The following ZNRF3 variants were observed in gnomAD, a reference collection of about 807,000 sequenced individuals.
The protein encoded by ZNRF3 is zinc and ring finger 3.
In ZNRF3, 23 loss-of-function variants were observed where a neutral mutation model predicts 72.5. The observed-to-expected ratio is 0.32, with a 90% CI of 0.23 to 0.45. ZNRF3 has a LOEUF of 0.45. Among genes scored for constraint, ZNRF3 ranks in the 20% least tolerant of loss-of-function variants. The pLI, the probability that ZNRF3 is intolerant of heterozygous loss-of-function variation, is 1.00. For missense variants in ZNRF3, 1,169 were observed against 1,272.1 expected, an observed-to-expected ratio of 0.92 and a Z score of 1.23; for synonymous variants, 610 against 545.3, an observed-to-expected ratio of 1.12 and a Z score of -1.65.
intron 1 of ZNRF3, among the ~76,000 whole-genome samples, chr22:28,899,877 G>A (rs1423881281): frequency 6.6e-6 from 1 of 151,976 alleles, no homozygotes; most frequent in Non-Finnish European, 1.5e-5. Context: ...GTTTTCTAGA[G>A]ATGAAGTCTC....
At chr22:28,917,551 A>G in intron 1 of ZNRF3, 3 of 679,350 alleles carry the variant, frequency 4.4e-6, no homozygotes, top group Non-Finnish European at 3.6e-6. Context: ...TTTGAAGAGT[A>G]TATAAAAGCT....
intron 1 of ZNRF3, among the ~76,000 whole-genome samples, chr22:28,907,955 A>T (rs1422158820): frequency 2.0e-5 from 3 of 152,196 alleles, no homozygotes; most frequent in Non-Finnish European, 4.4e-5. Flanking sequence ...TTTCAGAGGG[A>T]AGTGGGCGTT....
intron 1 of ZNRF3, among the ~76,000 whole-genome samples, chr22:28,933,756 T>A (rs59811444): frequency 0.01 from 564 of 55,572 alleles, 5 homozygotes; most frequent in African/African-American, 0.032. Flanking sequence ...ACACTCACTC[T>A]CTCTCTCTCT....
intron 1 of ZNRF3, among the ~76,000 whole-genome samples, chr22:28,889,914 A>T (rs1291447979): frequency 2.0e-5 from 3 of 152,176 alleles, no homozygotes; most frequent in Non-Finnish European, 2.9e-5. Flanking sequence ...CCTGGACCCC[A>T]TGGGGTCTGT....
intron 1 of ZNRF3, among the ~76,000 whole-genome samples, chr22:28,931,862 G>C (rs1280228023): frequency 1.3e-5 from 2 of 152,208 alleles, no homozygotes; most frequent in Non-Finnish European, 2.9e-5. Context: ...GAATATGTGA[G>C]TAATAGCTAA....
At chr22:29,039,843 C>A (rs2036928944) in intron 2 of ZNRF3, among the ~76,000 whole-genome samples, 1 of 151,474 alleles carries the variant, frequency 6.6e-6, no homozygotes, top group Non-Finnish European at 1.5e-5. Context: ...CCTGCAGTCC[C>A]AGCTACTCAG....
rs137962389 is a variant in ZNRF3 at position 28,979,316 on chromosome 22, G to A, written c.301-7760G>A. 1.1e-3 allele frequency among the ~76,000 whole-genome samples: 167 copies of A among 152,280 alleles called. 1 individual carries two copies. The highest frequency in any genetic ancestry group is 3.8e-3 in the African/African-American group (158 of 41,544). ...GACAGCAACTCCTGAGGTTGGACGT[G>A]GATGGGAAAATTTGAGACTTGCTTT... On this transcript the variant is annotated intron_variant, in intron 1 of 8. Coordinates refer to ENST00000544604, the MANE Select transcript of ZNRF3 (RefSeq NM_001206998.2).
intron 1 of ZNRF3, among the ~76,000 whole-genome samples, chr22:28,938,577 GACGACTTTCT>G (rs2123785294): frequency 1.3e-5 from 2 of 152,274 alleles, no homozygotes; most frequent in African/African-American, 2.4e-5. Context: ...AAAAACTTTT[GACGACTTTCT>G]AGCTGAAGCA....
intron 1 of ZNRF3, among the ~76,000 whole-genome samples, chr22:28,926,945 A>G (rs2034613986): frequency 6.6e-6 from 1 of 151,684 alleles, no homozygotes; most frequent in Non-Finnish European, 1.5e-5. Context: ...AACATGGTGA[A>G]ACCCTGTCTC....
chr22:28,991,119 A>C (rs1005603026), intron 2 of ZNRF3, among the ~76,000 whole-genome samples: 2 of 151,540 alleles, frequency 1.3e-5, no homozygotes, highest in African/African-American at 2.4e-5. Flanking sequence ...CCATCTCTAC[A>C]AAAAACACAA....
chr22:29,036,550 AAATTT>A (rs1260368243), intron 2 of ZNRF3, among the ~76,000 whole-genome samples: 8 of 152,328 alleles, frequency 5.3e-5, no homozygotes, highest in South Asian at 2.1e-4. Flanking sequence ...ATCTGTTGAC[AAATTT>A]GCCTGTATTG....
intron 2 of ZNRF3, among the ~76,000 whole-genome samples, chr22:29,014,837 T>C (rs1017874698): frequency 4.6e-5 from 7 of 152,174 alleles, no homozygotes; most frequent in Non-Finnish European, 2.9e-5. Context: ...GCCAACAAAC[T>C]GGGTGAGTGG....
At chr22:28,934,874 G>A (rs2034792104) in intron 1 of ZNRF3, among the ~76,000 whole-genome samples, 1 of 150,342 alleles carries the variant, frequency 6.7e-6, no homozygotes, top group African/African-American at 2.4e-5. Context: ...CTCCCATCCT[G>A]TTCTTCCTGT....
chr22:28,939,468 TA>T (rs2034902405), intron 1 of ZNRF3, among the ~76,000 whole-genome samples: 1 of 152,164 alleles, frequency 6.6e-6, no homozygotes, highest in Admixed American at 6.5e-5. Context: ...AACCTGCCTT[TA>T]AAAGTCCTTG....
rs1230087164 is a variant in ZNRF3 at position 29,030,832 on chromosome 22, G to T, written c.427-11663G>T. Reference sequence around the variant, plus strand: ...TGGCGCGGGGAGGAGCCGCGGGAGGGGGGATGTTGGCCGCAGGGCCTCGGA... The same window carrying T: ...TGGCGCGGGGAGGAGCCGCGGGAGGTGGGATGTTGGCCGCAGGGCCTCGGA... On this transcript the variant is annotated intron_variant, in intron 2 of 8. Coordinates refer to ENST00000544604, the MANE Select transcript of ZNRF3 (RefSeq NM_001206998.2). This position sits in a 1 kb window ranked among gnomAD's most constrained non-coding sequence, Gnocchi z 4.2. Among the ~76,000 whole-genome samples the T allele has an allele frequency of 1.3e-5, 2 of 152,166 alleles. No homozygotes were observed. Among genetic ancestry groups the T allele is most frequent in the African/African-American group, 4.8e-5 (2 of 41,428 alleles).
intron 2 of ZNRF3, among the ~76,000 whole-genome samples, chr22:28,994,292 T>C (rs1328803760): frequency 1.3e-5 from 2 of 149,882 alleles, no homozygotes; most frequent in East Asian, 3.9e-4. Flanking sequence ...GTTCAAGTGA[T>C]TGTCCTGCCT....
At position 29,043,287 on chromosome 22, in the gene ZNRF3, CTT is replaced by C. The variant is rs3840092; in HGVS notation, c.502-11_502-10del. The C allele has an allele frequency of 1.3e-5, 21 of 1,613,346 alleles. No homozygotes were observed. The East Asian group carries it at 4.7e-4, about 36-fold the overall frequency. The stretch of plus-strand genomic sequence containing the variant: ...GCGCACCTTTTAACCAGAGCCCTCT[CTT>C]CTTCCTTAGCTGAACCAGGGCTCTG... On this transcript the variant is annotated splice_polypyrimidine_tract_variant and intron_variant, in intron 3 of 8. Transcript: ENST00000544604.
chr22:28,983,950 G>C (rs2035809697), intron 1 of ZNRF3, among the ~76,000 whole-genome samples: 1 of 151,780 alleles, frequency 6.6e-6, no homozygotes, highest in Non-Finnish European at 1.5e-5. Flanking sequence ...TCATCTTGTG[G>C]TAGGTAGTAT....
intron 1 of ZNRF3, among the ~76,000 whole-genome samples, chr22:28,892,994 C>T (rs1027924143): frequency 1.3e-4 from 20 of 151,950 alleles, no homozygotes; most frequent in African/African-American, 2.9e-4. Context: ...AGTGAAACCC[C>T]GTCTCTACTA....
Sources: gnomAD v4.1 joint callset for allele counts (sites outside exome capture counted in the v4.1 genomes callset) on GRCh38, gnomAD v4.1.1 for gene constraint, Gnocchi (gnomAD v3.1) non-coding constraint, MANE v1.5 for transcripts, NCBI Gene and HGNC (gene_info 2026-07-23, HGNC 2026-07-21) for gene names.